Variants in PIR observed in about 807,000 individuals in gnomAD.
The protein encoded by PIR is pirin, also known as pirin (iron-binding nuclear protein).
PIR carries 22 observed loss-of-function variants against 24.2 expected under a neutral mutation model. The observed-to-expected ratio is 0.91, with a 90% CI of 0.65 to 1.30. The LOEUF is 1.30. PIR is among the 50% of genes most tolerant of loss of function. The pLI is 0.00. For synonymous variants in PIR, 80 were observed against 79.6 expected (o/e 1.00, Z -0.03); for missense variants, 220 against 220.3 (o/e 1.00, Z 0.01).
intron 6 of PIR, 90 bp from the exon 7 acceptor site, chrX:15,407,640 T>G: frequency 1.5e-6 from 1 of 684,457 alleles, no homozygotes; most frequent in East Asian, 3.2e-5. Context: ...AAGATAAATT[T>G]GGAGACGAAA....
intron 3 of PIR, among the ~76,000 whole-genome samples, chrX:15,477,496 GATTA>G (rs1268519052): frequency 9.0e-6 from 1 of 111,536 alleles, no homozygotes; most frequent in East Asian, 2.8e-4. Flanking sequence ...AAATATTGTT[GATTA>G]ATTAACATTG....
intron 9 of PIR, among the ~76,000 whole-genome samples, chrX:15,385,428 C>T (rs1042292997): frequency 6.3e-5 from 7 of 111,934 alleles, no homozygotes; most frequent in African/African-American, 2.3e-4. Flanking sequence ...GGTTCTATTA[C>T]AACCAATTTT....
intron 9 of PIR, among the ~76,000 whole-genome samples, chrX:15,388,559 C>T (rs1444196843): frequency 8.9e-6 from 1 of 112,180 alleles, no homozygotes; most frequent in Admixed American, 9.5e-5. Flanking sequence ...TAACCAATGT[C>T]TAGGAAATAG....
chrX:15,405,441 A>C (rs956433710), intron 7 of PIR, among the ~76,000 whole-genome samples: 3 of 112,224 alleles, frequency 2.7e-5, no homozygotes, highest in African/African-American at 9.7e-5. Context: ...AACTGAGACT[A>C]TATGCCTTGC....
chrX:15,481,172 A>G (rs1485023950), intron 2 of PIR, among the ~76,000 whole-genome samples: 1 of 112,582 alleles, frequency 8.9e-6, no homozygotes, highest in East Asian at 2.8e-4. Context: ...TTTAGGTCAT[A>G]CTGAATTTGA....
intron 9 of PIR, among the ~76,000 whole-genome samples, chrX:15,385,905 G>A (rs5980152): frequency 0.31 from 34,532 of 110,873 alleles, 4,485 homozygotes; most frequent in African/African-American, 0.49. Context: ...GTCTGAACTC[G>A]GATTTTGCTA....
rs113111712 is a variant in PIR at position 15,445,958 on chromosome X, T to C, written c.480+9890A>G. Among the ~76,000 whole-genome samples, 588 of 104,106 alleles carry C rather than the reference T, an allele frequency of 5.6e-3. 6 individuals carry two copies. The highest frequency in any genetic ancestry group is 0.019 in the African/African-American group (547 of 28,119). 90.4% of individuals were successfully genotyped at this position (104,106 alleles called of 115,157 possible). ...CATTCTCCTGCCTCAGCCTCCCGAG[T>C]AGCTGGGACTACAGGCACCCACCAC... On this transcript the variant is annotated intron_variant, in intron 5 of 9. Coordinates refer to ENST00000380420, the MANE Select transcript of PIR (RefSeq NM_001018109.3).
chrX:15,421,333 T>TC (rs1376927264), intron 6 of PIR, among the ~76,000 whole-genome samples: 1 of 111,351 alleles, frequency 9.0e-6, no homozygotes, highest in Non-Finnish European at 1.9e-5. Context: ...GACAAAAAAA[T>TC]ACAGAAGATC....
intron 7 of PIR, among the ~76,000 whole-genome samples, chrX:15,406,449 C>T (rs1382339939): frequency 8.9e-6 from 1 of 111,862 alleles, no homozygotes; most frequent in African/African-American, 3.3e-5. Flanking sequence ...TAGTAAATGG[C>T]TTTTCACACA....
At position 15,476,331 on chromosome X, in the gene PIR, A is replaced by G. The variant is rs1197214958; in HGVS notation, c.189+3398T>C. On this transcript the variant is annotated intron_variant, in intron 3 of 9. Coordinates refer to ENST00000380420, the MANE Select transcript of PIR (RefSeq NM_001018109.3). The stretch of plus-strand genomic sequence containing the variant: ...GTTAGTAAAATTTCATTTTTATTAA[A>G]AAATAAATAAATGGGAGCTCCAGCA... Among the ~76,000 whole-genome samples, 8 of 112,423 alleles carry G rather than the reference A, an allele frequency of 7.1e-5. No homozygotes were observed. The South Asian group carries it at 2.9e-3, about 41-fold the overall frequency.
chrX:15,483,726 A>C (rs1377149485), intron 2 of PIR, among the ~76,000 whole-genome samples: 4 of 112,437 alleles, frequency 3.6e-5, no homozygotes, highest in Non-Finnish European at 7.5e-5. Flanking sequence ...TCACATGATA[A>C]TATATACCTT....
At chrX:15,391,343 C>A (rs929960484) in intron 8 of PIR, among the ~76,000 whole-genome samples, 9 of 111,666 alleles carry the variant, frequency 8.1e-5, no homozygotes, top group African/African-American at 2.9e-4. Flanking sequence ...CAAATTGCTA[C>A]AAAAATTTGC....
chrX:15,418,469 C>T (rs946153688), intron 6 of PIR, among the ~76,000 whole-genome samples: 2 of 112,132 alleles, frequency 1.8e-5, no homozygotes, highest in Non-Finnish European at 1.9e-5. Context: ...ACTACTTACT[C>T]TTATTTTAGC....
intron 8 of PIR, 118 bp from the exon 9 acceptor site, chrX:15,390,369 A>C (rs1923918934): frequency 2.7e-6 from 1 of 366,647 alleles, no homozygotes; most frequent in Non-Finnish European, 4.5e-6. Flanking sequence ...TCTGAATATA[A>C]TTTTCAAAAA....
intron 6 of PIR, among the ~76,000 whole-genome samples, chrX:15,412,739 A>T (rs1292236654): frequency 5.4e-5 from 6 of 111,792 alleles, no homozygotes; most frequent in African/African-American, 2.0e-4. Flanking sequence ...CTATCCATGC[A>T]ACTCTCTCTT....
intron 5 of PIR, among the ~76,000 whole-genome samples, chrX:15,430,955 T>A (rs1476936309): frequency 1.8e-5 from 2 of 112,170 alleles, no homozygotes; most frequent in Non-Finnish European, 3.8e-5. Flanking sequence ...TGACTCTCCC[T>A]AAAAGCAAGT....
rs1345529331 is a variant in PIR, at chrX:15,455,953, C to T, written c.375G>A (p.Lys125=). 6 of 1,207,534 alleles carry T rather than the reference C, an allele frequency of 5.0e-6. No individual in the cohort carries two copies. The highest frequency in any genetic ancestry group is 1.7e-5 in the African/African-American group (1 of 57,229). Residue 125 remains lysine, a synonymous_variant, in exon 5 of 10, where the codon AAG becomes AAA. Transcript: ENST00000380420. ...QLWVNLRSSE[K]MVEPQYQELK... is the part of the protein sequence containing the mutation. The stretch of plus-strand genomic sequence containing the variant: ...GTTCCTGGTACTGAGGCTCCACCAT[C>T]TTCTCTGAGCTCCTCAAATTAACCC...
intron 6 of PIR, among the ~76,000 whole-genome samples, chrX:15,413,661 T>G (rs1924820904): frequency 8.9e-6 from 1 of 112,290 alleles, no homozygotes; most frequent in South Asian, 3.7e-4. Flanking sequence ...TTGTGAGAAT[T>G]CCATTGGAAA....
At chrX:15,459,188 G>T (rs186406983) in intron 4 of PIR, among the ~76,000 whole-genome samples, 11 of 111,803 alleles carry the variant, frequency 9.8e-5, no homozygotes, top group Non-Finnish European at 1.9e-4. Context: ...CTGCAAATGA[G>T]TTGGAAGATA....
Sources: allele counts gnomAD v4.1 joint callset (sites outside exome capture counted in the v4.1 genomes callset), GRCh38; gene constraint gnomAD v4.1.1; transcripts MANE v1.5; gene names NCBI Gene and HGNC (gene_info 2026-07-23, HGNC 2026-07-21).